The following IFNLR1 variants were observed in gnomAD, a reference collection of about 807,000 sequenced individuals.
IFNLR1 encodes the protein CRF2-12.
A neutral mutation model predicts 52.5 loss-of-function variants in IFNLR1; 28 were observed. That is an observed-to-expected ratio of 0.53 (90% CI 0.40 to 0.73). IFNLR1 has a LOEUF of 0.73. IFNLR1 is among the 30% of genes least tolerant of loss of function. IFNLR1 has a pLI of 0.00. For missense variants in IFNLR1, 623 were observed against 659.1 expected (o/e 0.95, Z 0.60); for synonymous variants, 276 against 274.9 (o/e 1.00, Z -0.04).
At chr1:24,162,624 G>A (rs1236862631) in intron 3 of IFNLR1, among the ~76,000 whole-genome samples, 1 of 152,200 alleles carries the variant, frequency 6.6e-6, no homozygotes, top group Non-Finnish European at 1.5e-5. Flanking sequence ...CCTTTGTGCT[G>A]TGTCATCCCA....
chr1:24,162,298 C>A (rs1644452789), intron 3 of IFNLR1, among the ~76,000 whole-genome samples: 1 of 152,174 alleles, frequency 6.6e-6, no homozygotes, highest in Non-Finnish European at 1.5e-5. Context: ...CATTTTTCAT[C>A]ACGTTACCAC....
Position 24,156,841 on chromosome 1 carries a change from C to A in IFNLR1, c.*289G>T. 2.3e-6 allele frequency: 1 copy of A among 441,202 alleles called. No homozygotes were observed. Among genetic ancestry groups the A allele is most frequent in the Non-Finnish European group, 4.0e-6 (1 of 248,332 alleles). The allele number at this position is 441,202 out of a possible 1,614,324, so 27.3% of individuals were successfully genotyped here. On this transcript the variant is annotated 3_prime_UTR_variant, in exon 7 of 7. Transcript: ENST00000327535. Reference sequence around the variant, plus strand: ...GTCCGGGGATAATTTTTCCCCCTGGCCTGTCACCCTAGGGACAATGGGGGT... The same window carrying A: ...GTCCGGGGATAATTTTTCCCCCTGGACTGTCACCCTAGGGACAATGGGGGT...
At chr1:24,187,073 A>T (rs1644745981) in intron 1 of IFNLR1, 118 bp downstream of exon 1, 1 of 575,152 alleles carries the variant, frequency 1.7e-6, no homozygotes, top group African/African-American at 2.0e-5. Context: ...GCCGATTCGC[A>T]CCCGGCTCGG....
At chr1:24,161,742 C>G (rs1178995579) in intron 3 of IFNLR1, 58 bp from the exon 4 acceptor site, 3 of 1,434,790 alleles carry the variant, frequency 2.1e-6, no homozygotes, top group Non-Finnish European at 1.8e-6. Context: ...GCCTCCATCC[C>G]CCAAGACCAG....
At chr1:24,162,007 C>T (rs1263200344) in intron 3 of IFNLR1, among the ~76,000 whole-genome samples, 3 of 152,184 alleles carry the variant, frequency 2.0e-5, no homozygotes, top group African/African-American at 7.2e-5. Flanking sequence ...AGATCCTGCC[C>T]ATCTGGATTC....
At chr1:24,177,823 A>G (rs1226428016) in intron 2 of IFNLR1, among the ~76,000 whole-genome samples, 2 of 152,238 alleles carry the variant, frequency 1.3e-5, no homozygotes, top group Non-Finnish European at 2.9e-5. Flanking sequence ...AAAATGAGTA[A>G]TTATGGGTCA....
At chr1:24,162,798 TTCTTTTTTCTTTCTTTTTTTC>T (rs1557644036) in intron 3 of IFNLR1, among the ~76,000 whole-genome samples, 1,441 of 92,372 alleles carry the variant, frequency 0.016, 135 homozygotes, top group Admixed American at 0.022. Context: ...TTTTCTTTCT[TTCTTTTTTCTTTCTTTTTTTC>T]TTCTTTCTTT....
intron 1 of IFNLR1, among the ~76,000 whole-genome samples, chr1:24,184,713 G>A (rs1644720903): frequency 6.6e-6 from 1 of 152,198 alleles, no homozygotes; most frequent in African/African-American, 2.4e-5. Context: ...TGATGATAAC[G>A]ATGATGATAA....
At chr1:24,171,488 A>T (rs1448714393) in intron 2 of IFNLR1, among the ~76,000 whole-genome samples, 4 of 152,164 alleles carry the variant, frequency 2.6e-5, no homozygotes, top group African/African-American at 4.8e-5. Context: ...TTGAAAATTT[A>T]AAAAAATATA....
chr1:24,186,571 C>T (rs1644740989), intron 1 of IFNLR1, among the ~76,000 whole-genome samples: 1 of 152,122 alleles, frequency 6.6e-6, no homozygotes, highest in Admixed American at 6.6e-5. Context: ...CTCTTCCCTG[C>T]TTCGGTTGGA....
intron 2 of IFNLR1, among the ~76,000 whole-genome samples, chr1:24,180,125 C>T (rs1569695371): frequency 6.6e-6 from 1 of 151,982 alleles, no homozygotes; most frequent in African/African-American, 2.4e-5. Flanking sequence ...GGAGAAACCT[C>T]GTCTGTATTA....
chr1:24,162,848 T>C lies in IFNLR1; in HGVS notation c.368-1164A>G, dbSNP rs1218292862. 3.0e-3 allele frequency among the ~76,000 whole-genome samples: 203 copies of C among 67,888 alleles called. 10 individuals carry two copies. Among genetic ancestry groups the C allele is most frequent in the Middle Eastern group, 0.024 (4 of 168 alleles). 44.5% of individuals were successfully genotyped at this position (67,888 alleles called of 152,430 possible). A position where few individuals can be genotyped will look rare whatever the true frequency, so the allele number is the denominator to read the frequency against. On this transcript the variant is annotated intron_variant, in intron 3 of 6. Transcript: ENST00000327535. ...TTTCTTTCTTTTCTTTCTTTCTTTC[T>C]TTCTTTCTTTCTTTCTTTCTTTCTT...
Position 24,157,925 on chromosome 1 carries a change from T to G in IFNLR1, c.802-34A>C, listed in dbSNP as rs74060529. ...GGTAGGGGAGAGAAAAGCAGAAAATTTAGGCTTTCCTGAAGCATAATTATC... is the reference window on the plus strand; with the variant it reads ...GGTAGGGGAGAGAAAAGCAGAAAATGTAGGCTTTCCTGAAGCATAATTATC... On this transcript the variant is annotated intron_variant, in intron 6 of 6. Transcript: ENST00000327535. The surrounding 1 kb of genome is among the most constrained non-coding windows in gnomAD (Gnocchi z 5.1). The G allele has an allele frequency of 1.7e-3, 2,500 of 1,513,394 alleles. 25 individuals are homozygous for G. In the African/African-American group the frequency reaches 0.028, roughly 17 times the overall value. The allele number at this position is 1,513,394 out of a possible 1,614,324, so 93.7% of individuals were successfully genotyped here.
In IFNLR1 at chr1:24,157,306, C is replaced by G; in HGVS notation, c.1387G>C (p.Gly463Arg). The change falls in exon 7 of 7, where the codon GGG (glycine) becomes CGG (arginine). Residue 463 changes from glycine to arginine, a missense_variant. Physicochemically the swap from Gly to Arg is moderately radical, Grantham distance 125. Coordinates refer to ENST00000327535, the MANE Select transcript of IFNLR1 (RefSeq NM_170743.4). The surrounding 1 kb of genome is among the most constrained non-coding windows in gnomAD (Gnocchi z 5.1). Reference protein sequence around the residue: ...TLPPEPNLVPGGPPVSLQTLT... With the variant: ...TLPPEPNLVPRGPPVSLQTLT... ...GTCTGAAGAGAAACTGGGGGTCCCC[C>G]AGGGACCAGATTCGGCTCCGGTGGT... 2.5e-6 allele frequency: 4 copies of G among 1,614,170 alleles called. No homozygotes were observed. The highest frequency in any genetic ancestry group is 3.4e-6 in the Non-Finnish European group (4 of 1,180,024).
intron 2 of IFNLR1, among the ~76,000 whole-genome samples, chr1:24,176,560 C>T (rs1220265679): frequency 5.9e-5 from 9 of 152,156 alleles, no homozygotes; most frequent in Non-Finnish European, 5.9e-5. Context: ...AAGAAATGTG[C>T]GCTCTTAGCT....
chr1:24,158,085 C>A (rs2148584955), intron 6 of IFNLR1, among the ~76,000 whole-genome samples, 194 bp from the exon 7 acceptor site: 1 of 152,328 alleles, frequency 6.6e-6, no homozygotes, highest in African/African-American at 2.4e-5. Context: ...AAGCAGCTGA[C>A]CACTAGGGCT....
intron 3 of IFNLR1, among the ~76,000 whole-genome samples, chr1:24,164,037 A>T (rs1644493838): frequency 6.6e-6 from 1 of 152,212 alleles, no homozygotes; most frequent in South Asian, 2.1e-4. Flanking sequence ...CTCGGGGTAC[A>T]GTTTCTCTCT....
In IFNLR1 at chr1:24,160,392, T is replaced by C. The variant is rs137967627; in HGVS notation, c.511-759A>G. Among the ~76,000 whole-genome samples, 359 of 152,366 alleles carry C rather than the reference T, an allele frequency of 2.4e-3. 1 individual carries two copies. The highest frequency in any genetic ancestry group is 4.8e-3 in the African/African-American group (201 of 41,586). The stretch of plus-strand genomic sequence containing the variant: ...AAAGAATGTAAAAGATCTCAATCAC[T>C]ATCAGAATTGCTCATTGAAATGATA... On this transcript the variant is annotated intron_variant, in intron 4 of 6. Coordinates refer to ENST00000327535, the MANE Select transcript of IFNLR1 (RefSeq NM_170743.4).
chr1:24,169,290 AG>A, intron 3 of IFNLR1, 126 bp downstream of exon 3: 1 of 842,662 alleles, frequency 1.2e-6, no homozygotes. Context: ...GGCCTGGCCC[AG>A]GGAGCTGCCC....
Sources: allele counts gnomAD v4.1 joint callset (sites outside exome capture counted in the v4.1 genomes callset), GRCh38; gene constraint gnomAD v4.1.1; non-coding constraint Gnocchi (gnomAD v3.1); transcripts MANE v1.5; gene names NCBI Gene and HGNC (gene_info 2026-07-23, HGNC 2026-07-21).